Variants in PRPSAP1 observed in about 807,000 individuals in gnomAD.
The protein encoded by PRPSAP1 is phosphoribosyl pyrophosphate synthase-associated protein 1.
A neutral mutation model predicts 39.4 loss-of-function variants in PRPSAP1; 31 were observed. That is an observed-to-expected ratio of 0.79 (90% CI 0.59 to 1.06). The LOEUF is 1.06. Among genes scored for constraint, PRPSAP1 ranks in the 50% least tolerant of loss-of-function variants. PRPSAP1 has a pLI of 0.00. For synonymous variants in PRPSAP1, 212 were observed against 192.6 expected, an observed-to-expected ratio of 1.10 and a Z score of -0.83; for missense variants, 430 against 511.6, an observed-to-expected ratio of 0.84 and a Z score of 1.54.
At chr17:76,347,104 G>A (rs1469003708) in intron 2 of PRPSAP1, among the ~76,000 whole-genome samples, 1 of 151,912 alleles carries the variant, frequency 6.6e-6, no homozygotes, top group Non-Finnish European at 1.5e-5. Context: ...AATCCAGAAC[G>A]AGCAGCGCAG....
chr17:76,344,888 C>T (rs997686949), intron 2 of PRPSAP1, 151 bp from the exon 3 acceptor site: 3 of 578,946 alleles, frequency 5.2e-6, no homozygotes, highest in African/African-American at 1.9e-5. Context: ...ATCACTTGAG[C>T]ACCAGAGTTC....
Position 76,345,237 on chromosome 17 carries a change from T to TTAAAAAAAA in PRPSAP1, c.224-501_224-500insTTTTTTTTA, listed in dbSNP as rs1229631533. On this transcript the variant is annotated intron_variant, in intron 2 of 9. Transcript: ENST00000446526. ...GTGACAGAGCAAGATTCCGTCTCATTAAAAAAAAAAAAAAAAAAGAGTTCT... is the reference window on the plus strand; with the variant it reads ...GTGACAGAGCAAGATTCCGTCTCATTTAAAAAAAAAAAAAAAAAAAAAAAAAAGAGTTCT... Among the ~76,000 whole-genome samples the TTAAAAAAAA allele has an allele frequency of 1.7e-3, 104 of 62,206 alleles. 1 individual carries two copies. The highest frequency in any genetic ancestry group is 5.5e-3 in the African/African-American group (102 of 18,714). 40.8% of individuals were successfully genotyped at this position (62,206 alleles called of 152,430 possible). A position where few individuals can be genotyped will look rare whatever the true frequency, so the allele number is the denominator to read the frequency against.
chr17:76,341,047 A>C, intron 3 of PRPSAP1, among the ~76,000 whole-genome samples: 1 of 151,944 alleles, frequency 6.6e-6, no homozygotes, highest in Non-Finnish European at 1.5e-5. Context: ...TCCTCCCCTG[A>C]CTCATAGATG....
rs749789101 is a variant in PRPSAP1 at position 76,312,975 on chromosome 17, C to T, written c.894G>A (p.Ala298=). The change falls in exon 9 of 10, where the codon GCG becomes GCA. Residue 298 remains alanine, a synonymous_variant. Transcript: ENST00000446526. The part of the protein sequence containing the change: ...IDDVESFVAA[A]EILKERGAYK... ...AGGCGCCTCTCTCTTTCAGGATCTCCGCGGCAGCAACAAAACTCTCCACAT... is the reference window on the plus strand; with the variant it reads ...AGGCGCCTCTCTCTTTCAGGATCTCTGCGGCAGCAACAAAACTCTCCACAT... 8 of 1,614,014 alleles carry T rather than the reference C, an allele frequency of 5.0e-6. No individual in the cohort carries two copies. Among genetic ancestry groups the T allele is most frequent in the East Asian group, 4.5e-5 (2 of 44,882 alleles).
intron 2 of PRPSAP1, among the ~76,000 whole-genome samples, chr17:76,348,238 C>T (rs903468136): frequency 3.3e-5 from 5 of 151,772 alleles, no homozygotes; most frequent in African/African-American, 9.7e-5. Flanking sequence ...TTTGGGAGGC[C>T]GAGGCAATAG....
In PRPSAP1 at chr17:76,312,978, G is replaced by A. The variant is rs370252858; in HGVS notation, c.891C>T (p.Ala297=). ...IIDDVESFVA[A]AEILKERGAY... ...CGCCTCTCTCTTTCAGGATCTCCGCGGCAGCAACAAAACTCTCCACATCGT... is the reference window on the plus strand; with the variant it reads ...CGCCTCTCTCTTTCAGGATCTCCGCAGCAGCAACAAAACTCTCCACATCGT... The change falls in exon 9 of 10, where the codon GCC becomes GCT. Residue 297 remains alanine (A), a synonymous_variant. Transcript: ENST00000446526. The A allele has an allele frequency of 2.9e-5, 46 of 1,613,852 alleles. 1 individual carries two copies. The highest frequency in any genetic ancestry group is 6.7e-5 in the East Asian group (3 of 44,880).
intron 7 of PRPSAP1, among the ~76,000 whole-genome samples, chr17:76,319,003 G>A (rs1034406061): frequency 6.6e-6 from 1 of 152,032 alleles, no homozygotes; most frequent in Admixed American, 6.6e-5. Context: ...GCAGTGGCGT[G>A]ATCTCAGCTC....
Position 76,311,545 on chromosome 17 carries a change from G to A in PRPSAP1, c.1155C>T (p.Asp385=), listed in dbSNP as rs1477428736. 1.2e-6 allele frequency: 2 copies of A among 1,613,412 alleles called. No homozygotes were observed. Among genetic ancestry groups the A allele is most frequent in the African/African-American group, 1.3e-5 (1 of 74,870 alleles). The change falls in exon 10 of 10, where the codon GAC becomes GAT. Residue 385 remains aspartate (D), a synonymous_variant. Transcript: ENST00000446526. ...AGGGTCGAGACCCTCGTGAAAGCTA[G>A]TCATCCACAGTGATGTTTCGGAAAA... The part of the protein sequence containing the change: ...AYLFRNITVD[D]
rs1487898792 is a variant in PRPSAP1, at chr17:76,310,874, C to T, written c.*668G>A. The T allele has an allele frequency of 6.6e-6, 1 of 151,850 alleles. No homozygotes were observed. The highest frequency in any genetic ancestry group is 1.5e-5 in the Non-Finnish European group (1 of 68,022). The allele number at this position is 151,850 out of a possible 1,614,324, so 9.4% of individuals were successfully genotyped here. A position where few individuals can be genotyped will look rare whatever the true frequency, so the allele number is the denominator to read the frequency against. ...CTGGGAAAGTGTTTGTGTCCAGCCA[C>T]AGACCTGACTGCTGTTCTGTATCCA... On this transcript the variant is annotated 3_prime_UTR_variant, in exon 10 of 10. Transcript: ENST00000446526.
Position 76,353,846 on chromosome 17 carries a change from G to T in PRPSAP1, c.-143C>A. The T allele has an allele frequency of 1.7e-5, 23 of 1,376,918 alleles. No homozygotes were observed. The highest frequency in any genetic ancestry group is 2.1e-5 in the Non-Finnish European group (23 of 1,073,152). The allele number at this position is 1,376,918 out of a possible 1,614,324, so 85.3% of individuals were successfully genotyped here. ...AGAGCTCCGAGGTCCGTGCCCTTGC[G>T]CACCCCACACCACTGACTACAGCGG... On this transcript the variant is annotated 5_prime_UTR_variant, in exon 1 of 10. Transcript: ENST00000446526.
intron 1 of PRPSAP1, among the ~76,000 whole-genome samples, chr17:76,350,501 T>C (rs532343560): frequency 3.3e-5 from 5 of 151,534 alleles, no homozygotes; most frequent in African/African-American, 1.2e-4. Flanking sequence ...GGACAAGGTA[T>C]GCTGAGGAAA....
chr17:76,332,812 C>G (rs2071337170), intron 3 of PRPSAP1, among the ~76,000 whole-genome samples: 1 of 152,192 alleles, frequency 6.6e-6, no homozygotes, highest in Non-Finnish European at 1.5e-5. Flanking sequence ...CAAGGGAAAC[C>G]CAACTGCCCT....
At chr17:76,328,972 A>G (rs2071286281) in intron 6 of PRPSAP1, 110 bp from the exon 7 acceptor site, 1 of 1,262,670 alleles carries the variant, frequency 7.9e-7, no homozygotes, top group Non-Finnish European at 1.1e-6. Flanking sequence ...AGGGACATAC[A>G]AAGGCATTAT....
rs564621789 is a variant in PRPSAP1, at chr17:76,321,974, C to T, written c.781+6743G>A. 2.1e-3 allele frequency among the ~76,000 whole-genome samples: 320 copies of T among 152,286 alleles called. 4 individuals carry two copies. Among genetic ancestry groups the T allele is most frequent in the African/African-American group, 7.3e-3 (303 of 41,546 alleles). ...AGCCTAATCCAGAGCAAGGCTTTTTCATGAAGTTTAAGGAAAGAAGCCGTT... is the reference window on the plus strand; with the variant it reads ...AGCCTAATCCAGAGCAAGGCTTTTTTATGAAGTTTAAGGAAAGAAGCCGTT... On this transcript the variant is annotated intron_variant, in intron 7 of 9. Coordinates refer to ENST00000446526, the MANE Select transcript of PRPSAP1 (RefSeq NM_002766.3).
chr17:76,350,391 A>C (rs933547667), intron 1 of PRPSAP1, among the ~76,000 whole-genome samples: 1 of 151,784 alleles, frequency 6.6e-6, no homozygotes, highest in Non-Finnish European at 1.5e-5. Flanking sequence ...GTGAGCAGAG[A>C]TCGTGCCACT....
chr17:76,343,723 T>C (rs1330183979), intron 3 of PRPSAP1, among the ~76,000 whole-genome samples: 1 of 151,880 alleles, frequency 6.6e-6, no homozygotes, highest in Non-Finnish European at 1.5e-5. Context: ...TAATCCCACC[T>C]ACTAGGGAGG....
intron 3 of PRPSAP1, among the ~76,000 whole-genome samples, chr17:76,335,421 T>C (rs1424405677): frequency 6.6e-6 from 1 of 152,126 alleles, no homozygotes; most frequent in East Asian, 1.9e-4. Context: ...AATGGTGCGA[T>C]CTCAGCTCAC....
chr17:76,345,561 A>G (rs2071491158), intron 2 of PRPSAP1, among the ~76,000 whole-genome samples: 1 of 151,602 alleles, frequency 6.6e-6, no homozygotes, highest in South Asian at 2.1e-4. Flanking sequence ...GTGTGAGCTG[A>G]AACTGTGCCA....
At chr17:76,353,444 T>C (rs1598548524) in intron 1 of PRPSAP1, 90 bp downstream of exon 1, 2 of 1,270,318 alleles carry the variant, frequency 1.6e-6, no homozygotes, top group South Asian at 3.3e-5. Context: ...GTGCAGGAGG[T>C]GGGGCGGGTG....
Sources: gnomAD v4.1 joint callset for allele counts (sites outside exome capture counted in the v4.1 genomes callset) on GRCh38, gnomAD v4.1.1 for gene constraint, MANE v1.5 for transcripts, NCBI Gene and HGNC (gene_info 2026-07-23, HGNC 2026-07-21) for gene names.